The following SCNM1 variants were observed in gnomAD, a reference collection of about 807,000 sequenced individuals.
SCNM1 encodes sodium channel modifier 1.
In SCNM1, 24 loss-of-function variants were observed where a neutral mutation model predicts 32.8. That is an observed-to-expected ratio of 0.73 (90% CI 0.53 to 1.03). The LOEUF (loss-of-function observed/expected upper bound fraction) is 1.03, where lower values mean the gene tolerates loss of function less well. SCNM1 is among the 50% of genes least tolerant of loss of function. The pLI is 0.00. For missense variants in SCNM1, 274 were observed against 282.3 expected (o/e 0.97, Z 0.21); for synonymous variants, 99 against 103.2 (o/e 0.96, Z 0.25).
chr1:151,167,026 A>T lies in SCNM1; in HGVS notation c.211+4A>T. On this transcript the variant is annotated splice_donor_region_variant and intron_variant, in intron 3 of 6. Coordinates refer to ENST00000368905, the MANE Select transcript of SCNM1 (RefSeq NM_024041.4). ...GCAGGCAAGAAACATCTGTCCAGTA[A>T]GTTAGGGGGAAGACGGGATGGGGAA... 6.2e-7 allele frequency: 1 copy of T among 1,614,170 alleles called. No individual in the cohort carries two copies.
At position 151,170,167 on chromosome 1, in the gene SCNM1, T is replaced by G; in HGVS notation, c.*1082T>G. 6.3e-7 allele frequency: 1 copy of G among 1,595,580 alleles called. No individual in the cohort carries two copies. Among genetic ancestry groups the G allele is most frequent in the Non-Finnish European group, 8.6e-7 (1 of 1,163,314 alleles). ...GCTCCTGCTTTCTGCAAAGGCACTC[T>G]TCTCCTTTCCAGTCCCTTAGCCAAA... On this transcript the variant is annotated 3_prime_UTR_variant, in exon 7 of 7. Transcript: ENST00000368905.
chr1:151,167,136 A>G lies in SCNM1; in HGVS notation c.227A>G (p.Tyr76Cys). The G allele has an allele frequency of 1.9e-6, 3 of 1,614,192 alleles. No individual in the cohort carries two copies. The highest frequency in any genetic ancestry group is 2.2e-5 in the South Asian group (2 of 91,086). ...KKHLSSLQLF[Y>C]GKKQPGKERK... ...TTCTCCTCAGGCTTGCAGCTTTTCT[A>G]TGGCAAGAAGCAGCCGGGAAAGGAA... Residue 76 changes from tyrosine (Y) to cysteine (C), a missense_variant, in exon 4 of 7, where the codon TAT (tyrosine) becomes TGT (cysteine). Physicochemically the swap from Tyr to Cys is radical, Grantham distance 194 (BLOSUM62 -2). Coordinates refer to ENST00000368905, the MANE Select transcript of SCNM1 (RefSeq NM_024041.4).
rs1683743212 is a variant in SCNM1 at position 151,167,129 on chromosome 1, C to CT, written c.224dup (p.Tyr76LeufsTer19). On this transcript the variant is annotated frameshift_variant, in exon 4 of 7. Coordinates refer to ENST00000368905, the MANE Select transcript of SCNM1 (RefSeq NM_024041.4). LOFTEE classifies it high-confidence loss of function. The stretch of plus-strand genomic sequence containing the variant: ...TTTCCCTTTCTCCTCAGGCTTGCAG[C>CT]TTTTCTATGGCAAGAAGCAGCCGGG... 3.1e-6 allele frequency: 5 copies of CT among 1,614,192 alleles called. No homozygotes were observed. The highest frequency in any genetic ancestry group is 4.2e-6 in the Non-Finnish European group (5 of 1,180,030).
intron 5 of SCNM1, 179 bp from the exon 6 acceptor site, chr1:151,167,965 A>C: frequency 1.5e-6 from 1 of 661,626 alleles, no homozygotes; most frequent in Non-Finnish European, 2.3e-6. Flanking sequence ...AGATTAAAAA[A>C]AACTTGTAAA....
chr1:151,167,205 A>C lies in SCNM1; in HGVS notation c.296A>C (p.Glu99Ala). 6.2e-7 allele frequency: 1 copy of C among 1,614,220 alleles called. No homozygotes were observed. Among genetic ancestry groups the C allele is most frequent in the Non-Finnish European group, 8.5e-7 (1 of 1,180,032 alleles). ...CATCAGAATGAATTGAGAAGGGAAG[A>C]AACCAAAGCTGAGGTAATCAGAGAG... is the stretch of plus-strand genomic sequence containing the variant. ...PKHQNELRREETKAEAPLLTQ... is the reference protein window; with the variant it reads ...PKHQNELRREATKAEAPLLTQ... Residue 99 changes from glutamate (E) to alanine (A), a missense_variant, in exon 4 of 7, where the codon GAA becomes GCA. Coordinates refer to ENST00000368905, the MANE Select transcript of SCNM1 (RefSeq NM_024041.4).
rs765536379 is a variant in SCNM1, at chr1:151,167,206, A to G, written c.297A>G (p.Glu99=). The G allele has an allele frequency of 1.2e-6, 2 of 1,614,218 alleles. No homozygotes were observed. The highest frequency in any genetic ancestry group is 1.7e-6 in the Non-Finnish European group (2 of 1,180,034). ...ATCAGAATGAATTGAGAAGGGAAGA[A>G]ACCAAAGCTGAGGTAATCAGAGAGT... The part of the protein sequence containing the change: ...PKHQNELRRE[E]TKAEAPLLTQ... Residue 99 remains glutamate (E), a synonymous_variant, in exon 4 of 7, where the codon GAA becomes GAG. Coordinates refer to ENST00000368905, the MANE Select transcript of SCNM1 (RefSeq NM_024041.4).
chr1:151,170,087 CT>C lies in SCNM1; in HGVS notation c.*1004del. On this transcript the variant is annotated 3_prime_UTR_variant, in exon 7 of 7. Transcript: ENST00000368905. ...GGTAAAGGGAAATGCAGTGTTATCT[CT>C]TCTTTTGCTGGCGACCTGTAAAGGA... is the stretch of plus-strand genomic sequence containing the variant. The C allele has an allele frequency of 6.2e-7, 1 of 1,614,190 alleles. No homozygotes were observed. Among genetic ancestry groups the C allele is most frequent in the Non-Finnish European group, 8.5e-7 (1 of 1,180,026 alleles).
At chr1:151,166,722 C>A in intron 2 of SCNM1, 181 bp downstream of exon 2, 1 of 1,236,170 alleles carries the variant, frequency 8.1e-7, no homozygotes, top group Non-Finnish European at 1.1e-6. Flanking sequence ...GCGCATGCCA[C>A]CACGCCTGGC....
chr1:151,169,228 C>CCTG lies in SCNM1; in HGVS notation c.*143_*144insCTG. 2 of 716,512 alleles carry CCTG rather than the reference C, an allele frequency of 2.8e-6. No homozygotes were observed. Among genetic ancestry groups the CCTG allele is most frequent in the East Asian group, 2.9e-5 (1 of 34,528 alleles). 44.4% of individuals were successfully genotyped at this position (716,512 alleles called of 1,614,324 possible). ...TACTCCTTGCCTGCAAGGTACACAGCTCTCCACACTCCTTTTTTTTTTTTT... is the reference window on the plus strand; with the variant it reads ...TACTCCTTGCCTGCAAGGTACACAGCCTGTCTCCACACTCCTTTTTTTTTTTTT... On this transcript the variant is annotated 3_prime_UTR_variant, in exon 7 of 7. Coordinates refer to ENST00000368905, the MANE Select transcript of SCNM1 (RefSeq NM_024041.4).
Position 151,166,976 on chromosome 1 carries a change from C to T in SCNM1, c.165C>T (p.Thr55=). The part of the protein sequence containing the change: ...AICPHRPVLD[T]LAMLTAHRAG... ...GCCCCCATCGACCGGTACTGGACACCCTGGCCATGCTGACTGCCCACCGTG... is the reference window on the plus strand; with the variant it reads ...GCCCCCATCGACCGGTACTGGACACTCTGGCCATGCTGACTGCCCACCGTG... Residue 55 remains threonine, a synonymous_variant, in exon 3 of 7, where the codon ACC becomes ACT. Transcript: ENST00000368905. 1 of 1,614,030 alleles carries T rather than the reference C, an allele frequency of 6.2e-7. No individual in the cohort carries two copies.
rs768173110 is a variant in SCNM1 at position 151,169,092 on chromosome 1, T to A, written c.*7T>A. ...TGATCTCCCCTTGGACTGATACCCT[T>A]TTCCCATTCATTCACAAATAAATTA... On this transcript the variant is annotated 3_prime_UTR_variant, in exon 7 of 7. Coordinates refer to ENST00000368905, the MANE Select transcript of SCNM1 (RefSeq NM_024041.4). 6 of 1,614,046 alleles carry A rather than the reference T, an allele frequency of 3.7e-6. No homozygotes were observed. The East Asian group carries it at 1.3e-4, about 36-fold the overall frequency.
Position 151,170,122 on chromosome 1 carries a change from A to G in SCNM1, c.*1037A>G. On this transcript the variant is annotated 3_prime_UTR_variant, in exon 7 of 7. Coordinates refer to ENST00000368905, the MANE Select transcript of SCNM1 (RefSeq NM_024041.4). ...TGGCGACCTGTAAAGGAGCAATATT[A>G]AACATAAGTGTTTGTTCCAGCTCCT... is the stretch of plus-strand genomic sequence containing the variant. 1 of 1,614,128 alleles carries G rather than the reference A, an allele frequency of 6.2e-7. No homozygotes were observed.
chr1:151,168,189 C>T lies in SCNM1; in HGVS notation c.444C>T (p.Pro148=). Residue 148 remains proline (P), a synonymous_variant, in exon 6 of 7, where the codon CCC becomes CCT. Transcript: ENST00000368905. ...GPSVSLSPMP[P]SEVKLQSGKI... ...CTGTCTCCCTTTCCCCTATGCCACC[C>T]TCAGAGGTCAAACTCCAAAGTGGGA... 4 of 1,614,166 alleles carry T rather than the reference C, an allele frequency of 2.5e-6. No homozygotes were observed. The highest frequency in any genetic ancestry group is 3.4e-6 in the Non-Finnish European group (4 of 1,180,018).
At position 151,168,334 on chromosome 1, in the gene SCNM1, C is replaced by T. The variant is rs765316975; in HGVS notation, c.589C>T (p.Arg197Ter). ...RRALDHYLTL[R>*]SSGWIPDGRG... Reference sequence around the variant, plus strand: ...AGCCCTGGACCATTATCTCACCCTTCGAAGGTGAGTATGCCTAATCAGTTT... The same window carrying T: ...AGCCCTGGACCATTATCTCACCCTTTGAAGGTGAGTATGCCTAATCAGTTT... The change falls in exon 6 of 7, where the codon CGA (arginine) becomes TGA (stop). Residue 197 changes from arginine to a stop codon, truncating the protein, a stop_gained. Coordinates refer to ENST00000368905, the MANE Select transcript of SCNM1 (RefSeq NM_024041.4). LOFTEE classifies it high-confidence loss of function. The T allele has an allele frequency of 1.1e-4, 176 of 1,603,734 alleles. No individual in the cohort carries two copies. The highest frequency in any genetic ancestry group is 1.4e-4 in the Non-Finnish European group (164 of 1,174,282).
intron 4 of SCNM1, 28 bp from the exon 5 acceptor site, chr1:151,167,298 C>G: frequency 6.2e-7 from 1 of 1,614,088 alleles, no homozygotes; most frequent in Non-Finnish European, 8.5e-7. Flanking sequence ...GCTGAAGGCT[C>G]TGACTCTGTC....
rs746105048 is a variant in SCNM1, at chr1:151,168,154, C to T, written c.409C>T (p.Pro137Ser). ...CCRRKYRPEA[P>S]GPSVSLSPMP... ...TTCTTCTCTACCTAGACCAGAAGCCCCTGGTCCCTCTGTCTCCCTTTCCCC... is the reference window on the plus strand; with the variant it reads ...TTCTTCTCTACCTAGACCAGAAGCCTCTGGTCCCTCTGTCTCCCTTTCCCC... Residue 137 changes from proline to serine, a missense_variant, in exon 6 of 7, where the codon CCT (proline) becomes TCT (serine). Transcript: ENST00000368905. The T allele has an allele frequency of 3.1e-6, 5 of 1,612,476 alleles. No individual in the cohort carries two copies. Among genetic ancestry groups the T allele is most frequent in the Non-Finnish European group, 4.2e-6 (5 of 1,179,274 alleles).
chr1:151,169,325 A>T lies in SCNM1; in HGVS notation c.*240A>T, dbSNP rs587605900. The T allele has an allele frequency of 8.7e-4, 318 of 363,970 alleles. 1 individual carries two copies. The highest frequency in any genetic ancestry group is 6.2e-3 in the African/African-American group (296 of 47,482). The allele number at this position is 363,970 out of a possible 1,614,324, so 22.5% of individuals were successfully genotyped here. On this transcript the variant is annotated 3_prime_UTR_variant, in exon 7 of 7. Coordinates refer to ENST00000368905, the MANE Select transcript of SCNM1 (RefSeq NM_024041.4). The stretch of plus-strand genomic sequence containing the variant: ...AGTGGCACGATCTCGGCTCACTGCA[A>T]GCTCTGCCTCCCAGGTTCACGCCTT...
chr1:151,166,270 T>C, intron 1 of SCNM1, 67 bp downstream of exon 1: 1 of 1,555,496 alleles, frequency 6.4e-7, no homozygotes, highest in Non-Finnish European at 8.7e-7. Context: ...AGGAGCTTTG[T>C]TTCATTGCTC....
Position 151,170,189 on chromosome 1 carries a change from C to G in SCNM1, c.*1104C>G. 6.5e-7 allele frequency: 1 copy of G among 1,529,966 alleles called. No individual in the cohort carries two copies. The highest frequency in any genetic ancestry group is 9.0e-7 in the Non-Finnish European group (1 of 1,106,404). 94.8% of individuals were successfully genotyped at this position (1,529,966 alleles called of 1,614,324 possible). On this transcript the variant is annotated 3_prime_UTR_variant, in exon 7 of 7. Transcript: ENST00000368905. ...CTCTTCTCCTTTCCAGTCCCTTAGC[C>G]AAACTCATAAATTGGTAGTGTCTTA...
Sources: allele counts gnomAD v4.1 joint callset, GRCh38; gene constraint gnomAD v4.1.1; transcripts MANE v1.5; gene names NCBI Gene and HGNC (gene_info 2026-07-23, HGNC 2026-07-21).